OSBPL10: variants seen among roughly 807,000 people sequenced by gnomAD.
OSBPL10 encodes oxysterol binding protein like 10, also known as oxysterol-binding protein-related protein 10.
In OSBPL10, 49 loss-of-function variants were observed where a neutral mutation model predicts 81.7. That is an observed-to-expected ratio of 0.60 (90% confidence interval 0.48 to 0.76). The LOEUF (loss-of-function observed/expected upper bound fraction) is 0.76, where lower values mean the gene tolerates loss of function less well. Among genes scored for constraint, OSBPL10 ranks in the 30% least tolerant of loss-of-function variants. The probability of loss-of-function intolerance (pLI) is 0.00; values close to 1 mark genes in which losing one functional copy is unlikely to be tolerated. For missense variants in OSBPL10, 923 were observed against 987.8 expected (o/e 0.93, Z 0.88); for synonymous variants, 419 against 383.6 (o/e 1.09, Z -1.08).
chr3:31,777,833 C>A (rs1698583034), intron 4 of OSBPL10, among the ~76,000 whole-genome samples: 1 of 152,188 alleles, frequency 6.6e-6, no homozygotes, highest in African/African-American at 2.4e-5. Context: ...TTACAAGCAG[C>A]AGTGAGAAGA....
intron 6 of OSBPL10, among the ~76,000 whole-genome samples, chr3:31,713,211 A>C (rs1485662568): frequency 6.6e-5 from 10 of 151,874 alleles, no homozygotes; most frequent in African/African-American, 2.2e-4. Context: ...TGCCCCCACG[A>C]CTTCTCTACT....
At chr3:31,739,444 T>A (rs937062564) in intron 5 of OSBPL10, among the ~76,000 whole-genome samples, 23 of 152,126 alleles carry the variant, frequency 1.5e-4, no homozygotes, top group African/African-American at 5.6e-4. Context: ...TATGTTGAAG[T>A]CCTAAACCCC....
chr3:31,748,634 G>T (rs1474912293), intron 4 of OSBPL10, among the ~76,000 whole-genome samples: 1 of 100,018 alleles, frequency 1.0e-5, no homozygotes, highest in Non-Finnish European at 1.9e-5. Flanking sequence ...AGCCCCCTTC[G>T]CTCGCTTGCA....
At chr3:31,691,875 A>C (rs536357508) in intron 7 of OSBPL10, among the ~76,000 whole-genome samples, 1 of 152,184 alleles carries the variant, frequency 6.6e-6, no homozygotes, top group East Asian at 1.9e-4. Flanking sequence ...ATTTTGAGAA[A>C]ACCAGGAGAA....
At chr3:31,887,798 A>G (rs1695778614) in intron 1 of OSBPL10, among the ~76,000 whole-genome samples, 1 of 152,170 alleles carries the variant, frequency 6.6e-6, no homozygotes, top group South Asian at 2.1e-4. Context: ...AATCCCAACC[A>G]AACTTTAAAA....
chr3:31,770,788 A>G (rs868684200), intron 4 of OSBPL10, among the ~76,000 whole-genome samples: 1 of 152,082 alleles, frequency 6.6e-6, no homozygotes, highest in South Asian at 2.1e-4. Context: ...CTCTGTCTCA[A>G]AAAAAAAGAA....
At chr3:31,947,769 T>C (rs1697743998) in intron 1 of OSBPL10, among the ~76,000 whole-genome samples, 1 of 152,212 alleles carries the variant, frequency 6.6e-6, no homozygotes, top group South Asian at 2.1e-4. Context: ...TTAGGTCATA[T>C]TCCCTGGAGG....
chr3:31,714,857 C>T (rs1696382597), intron 6 of OSBPL10: 1 of 153,044 alleles, frequency 6.5e-6, no homozygotes, highest in Non-Finnish European at 1.5e-5. Flanking sequence ...GCTCCAGACG[C>T]CTCCTCTTAA....
chr3:31,672,282 T>C (rs1700340748), intron 8 of OSBPL10, among the ~76,000 whole-genome samples: 1 of 147,952 alleles, frequency 6.8e-6, no homozygotes, highest in African/African-American at 2.5e-5. Flanking sequence ...TTAAGAGAGG[T>C]TAAGTAATTC....
intron 5 of OSBPL10, among the ~76,000 whole-genome samples, chr3:31,737,175 T>G (rs144714497): frequency 1.3e-5 from 2 of 152,180 alleles, no homozygotes; most frequent in African/African-American, 4.8e-5. Context: ...ATTCCGAATA[T>G]CAAAGAGCCG....
chr3:31,766,872 C>G (rs1283861773), intron 4 of OSBPL10, among the ~76,000 whole-genome samples: 1 of 152,138 alleles, frequency 6.6e-6, no homozygotes, highest in Non-Finnish European at 1.5e-5. Context: ...CTTATAAATG[C>G]CTGTGATAAA....
chr3:31,678,533 T>C (rs898369502), intron 8 of OSBPL10, among the ~76,000 whole-genome samples: 28 of 152,184 alleles, frequency 1.8e-4, no homozygotes, highest in Non-Finnish European at 3.4e-4. Context: ...TGCGTTTCTG[T>C]GAAGAATTCC....
At chr3:31,693,678 C>T (rs1248764126) in intron 7 of OSBPL10, among the ~76,000 whole-genome samples, 1 of 152,138 alleles carries the variant, frequency 6.6e-6, no homozygotes, top group Non-Finnish European at 1.5e-5. Flanking sequence ...CTACGGCTGC[C>T]TTTGTGGTCA....
chr3:31,683,816 G>A lies in OSBPL10; in HGVS notation c.1544C>T (p.Pro515Leu). The A allele has an allele frequency of 2.5e-6, 4 of 1,614,206 alleles. No individual in the cohort carries two copies. Among genetic ancestry groups the A allele is most frequent in the South Asian group, 1.1e-5 (1 of 91,074 alleles). ...GCTTTTGGAAGGGTCATCGGCCATT[G>A]GGTGTTCGTGACAGCTGGCAGGAGA... ...SRSPASCHEH[P>L]MADDPSKSYK... The change falls in exon 8 of 12, where the codon CCA becomes CTA. Residue 515 changes from proline to leucine, a missense_variant. Physicochemically the swap from Pro to Leu is moderately conservative, Grantham distance 98. Around this residue, in one of 3 missense-constraint regions of OSBPL10, gnomAD observed 387 missense variants for 436.3 expected, o/e 0.89. Coordinates refer to ENST00000396556, the MANE Select transcript of OSBPL10 (RefSeq NM_017784.5).
chr3:31,725,297 C>T (rs1174086762), intron 6 of OSBPL10, among the ~76,000 whole-genome samples: 1 of 152,132 alleles, frequency 6.6e-6, no homozygotes, highest in South Asian at 2.1e-4. Context: ...TTAAGCATAA[C>T]AACATTATGG....
At chr3:32,023,598 CT>C (rs1387386417) in intron 2 of OSBPL10, among the ~76,000 whole-genome samples, 3 of 152,188 alleles carry the variant, frequency 2.0e-5, no homozygotes, top group African/African-American at 7.2e-5. Flanking sequence ...AAAGAACCCC[CT>C]GCTCCATCTC....
At chr3:31,938,244 C>G (rs1697435961) in intron 1 of OSBPL10, among the ~76,000 whole-genome samples, 1 of 152,100 alleles carries the variant, frequency 6.6e-6, no homozygotes, top group South Asian at 2.1e-4. Flanking sequence ...CTCCTCCATC[C>G]TACATCAACT....
intron 1 of OSBPL10, among the ~76,000 whole-genome samples, chr3:31,884,147 G>A (rs1695668489): frequency 6.6e-6 from 1 of 152,154 alleles, no homozygotes; most frequent in South Asian, 2.1e-4. Context: ...AAGTATGACA[G>A]AATAACCAAC....
chr3:31,711,156 C>T (rs904907850), intron 6 of OSBPL10: 19 of 152,232 alleles, frequency 1.2e-4, no homozygotes, highest in African/African-American at 4.6e-4. Flanking sequence ...AGCAAGGAGT[C>T]CCTAGGTGCT....
Sources: allele counts gnomAD v4.1 joint callset (sites outside exome capture counted in the v4.1 genomes callset), GRCh38; gene constraint gnomAD v4.1.1; regional missense constraint gnomAD v4.1.1; transcripts MANE v1.5; gene names NCBI Gene and HGNC (gene_info 2026-07-23, HGNC 2026-07-21).